Variants in VAC14 observed in about 807,000 individuals in gnomAD.
VAC14 encodes VAC14 component of PIKFYVE complex.
VAC14 carries 47 observed loss-of-function variants against 85.3 expected under a neutral mutation model. The ratio of observed to expected loss-of-function variants is 0.55; its 90% CI spans 0.44 to 0.70. The LOEUF is 0.70. Ranked by LOEUF, VAC14 falls within the 30% of genes least tolerant of loss-of-function variation. The probability of loss-of-function intolerance (pLI) is 0.00; values close to 1 mark genes in which losing one functional copy is unlikely to be tolerated. For missense variants in VAC14, 861 were observed against 1,004.3 expected (o/e 0.86, Z 1.93); for synonymous variants, 447 against 430.5 (o/e 1.04, Z -0.47).
chr16:70,792,985 C>A (rs1463555373), intron 1 of VAC14, among the ~76,000 whole-genome samples: 2 of 152,196 alleles, frequency 1.3e-5, no homozygotes, highest in Non-Finnish European at 2.9e-5. Context: ...AGGTCTGAAC[C>A]CTTGACATCT....
chr16:70,713,508 G>A (rs953022344), intron 14 of VAC14, among the ~76,000 whole-genome samples: 2 of 152,186 alleles, frequency 1.3e-5, no homozygotes, highest in Admixed American at 1.3e-4. Context: ...GTAGGGAAGA[G>A]CCCAGTCAAG....
At chr16:70,748,245 C>G (rs1331596940) in intron 12 of VAC14, among the ~76,000 whole-genome samples, 1 of 152,232 alleles carries the variant, frequency 6.6e-6, no homozygotes, top group Non-Finnish European at 1.5e-5. Flanking sequence ...CCTCTCCAGA[C>G]AGCTGCTGAG....
intron 14 of VAC14, among the ~76,000 whole-genome samples, chr16:70,720,160 A>G (rs1319363679): frequency 1.3e-5 from 2 of 152,338 alleles, no homozygotes; most frequent in East Asian, 3.9e-4. Flanking sequence ...TGTTGGAGTC[A>G]GTACTTGAGG....
At chr16:70,733,844 G>C (rs2054667583) in intron 13 of VAC14, among the ~76,000 whole-genome samples, 1 of 152,010 alleles carries the variant, frequency 6.6e-6, no homozygotes, top group East Asian at 1.9e-4. Flanking sequence ...TTTTGTTTTT[G>C]AGACAGAGTC....
intron 18 of VAC14, chr16:70,689,569 C>G: frequency 1.0e-6 from 1 of 985,728 alleles, no homozygotes; most frequent in Non-Finnish European, 1.2e-6. Context: ...TGCACCCCTG[C>G]TCAGCTCTGC....
chr16:70,767,535 G>C (rs577532081), intron 10 of VAC14, among the ~76,000 whole-genome samples: 3 of 152,328 alleles, frequency 2.0e-5, no homozygotes, highest in African/African-American at 7.2e-5. Context: ...ATGACCCTTG[G>C]CAACAGCCTG....
At chr16:70,750,363 A>G (rs1461935682) in intron 12 of VAC14, among the ~76,000 whole-genome samples, 1 of 152,144 alleles carries the variant, frequency 6.6e-6, no homozygotes, top group Admixed American at 6.5e-5. Context: ...TGAGAGAAAG[A>G]AGGGAGGAAA....
In VAC14 at chr16:70,762,401, C is replaced by T. The variant is rs563802353; in HGVS notation, c.1371+139G>A. 6.2e-5 allele frequency: 56 copies of T among 901,222 alleles called. No homozygotes were observed. The highest frequency in any genetic ancestry group is 3.1e-4 in the African/African-American group (19 of 60,756). 55.8% of individuals were successfully genotyped at this position (901,222 alleles called of 1,614,324 possible). A position where few individuals can be genotyped will look rare whatever the true frequency, so the allele number is the denominator to read the frequency against. On this transcript the variant is annotated intron_variant, in intron 12 of 18. Coordinates refer to ENST00000261776, the MANE Select transcript of VAC14 (RefSeq NM_018052.5). The surrounding 1 kb of genome is among the most constrained non-coding windows in gnomAD (Gnocchi z 4.1). ...GGAAAAACAGGTGTGAGCCACTGCA[C>T]CTGGCCCCAAAGTGAGTATTAAACA...
rs371625441 is a variant in VAC14 at position 70,780,836 on chromosome 16, C to T, written c.1050G>A (p.Glu350=). 1 of 1,612,998 alleles carries T rather than the reference C, an allele frequency of 6.2e-7. No homozygotes were observed. The highest frequency in any genetic ancestry group is 1.1e-5 in the South Asian group (1 of 90,998). ...DELRPGQRQA[E]PTPDDALPKQ... ...TTGGCAGGGCATCGTCAGGGGTGGG[C>T]TCTGCCTGCCTCTGCCCAGGTCTCA... The change falls in exon 9 of 19, where the codon GAG becomes GAA. Residue 350 remains glutamate, a synonymous_variant. Coordinates refer to ENST00000261776, the MANE Select transcript of VAC14 (RefSeq NM_018052.5).
intron 14 of VAC14, among the ~76,000 whole-genome samples, chr16:70,707,310 T>A (rs79511906): frequency 2.6e-5 from 4 of 152,366 alleles, no homozygotes; most frequent in African/African-American, 9.6e-5. Context: ...ATGCAGTCGA[T>A]GTGTCTGGTA....
chr16:70,773,091 T>C (rs2033328936), intron 9 of VAC14: 4 of 152,160 alleles, frequency 2.6e-5, no homozygotes, highest in Non-Finnish European at 5.9e-5. Flanking sequence ...TAGGGTATAA[T>C]GGCTAATGGA....
chr16:70,728,276 G>C (rs1402175203), intron 14 of VAC14, among the ~76,000 whole-genome samples: 1 of 152,076 alleles, frequency 6.6e-6, no homozygotes, highest in Non-Finnish European at 1.5e-5. Flanking sequence ...GCACGCTGAG[G>C]AGCTGGGCCT....
intron 1 of VAC14, among the ~76,000 whole-genome samples, chr16:70,793,489 A>T (rs1243029004): frequency 6.6e-6 from 1 of 152,190 alleles, no homozygotes; most frequent in Non-Finnish European, 1.5e-5. Context: ...GGCTTTTCTA[A>T]CCCCAAGATC....
chr16:70,692,800 C>T, intron 18 of VAC14, 21 bp downstream of exon 18: 2 of 1,588,946 alleles, frequency 1.3e-6, no homozygotes, highest in Non-Finnish European at 1.7e-6. Flanking sequence ...GCGGGGGCAG[C>T]AGTCCCCAGC....
chr16:70,697,621 G>A (rs2053740280), intron 15 of VAC14, among the ~76,000 whole-genome samples: 1 of 152,190 alleles, frequency 6.6e-6, no homozygotes, highest in Non-Finnish European at 1.5e-5. Flanking sequence ...GATGATGATG[G>A]GGGAGTGGGC....
chr16:70,796,927 C>T (rs1173831327), intron 1 of VAC14, among the ~76,000 whole-genome samples: 1 of 152,080 alleles, frequency 6.6e-6, no homozygotes, highest in Non-Finnish European at 1.5e-5. Context: ...GGATCAGTGT[C>T]CTCATAAAAG....
chr16:70,745,241 C>T (rs2305688), intron 12 of VAC14, among the ~76,000 whole-genome samples: 94,603 of 152,164 alleles, frequency 0.62, 32,313 homozygotes, highest in Admixed American at 0.75. Flanking sequence ...TGAGTTCTTC[C>T]GAGACAGAGG....
At chr16:70,798,432 A>G (rs181625920) in intron 1 of VAC14, among the ~76,000 whole-genome samples, 10 of 152,244 alleles carry the variant, frequency 6.6e-5, no homozygotes, top group African/African-American at 2.4e-4. Flanking sequence ...GAATATATTA[A>G]AACATACAAT....
intron 1 of VAC14, among the ~76,000 whole-genome samples, chr16:70,795,844 C>T (rs1336181407): frequency 4.6e-5 from 7 of 152,200 alleles, no homozygotes; most frequent in African/African-American, 1.7e-4. Flanking sequence ...AAGCTCAGGA[C>T]CACTAGAGAC....
Sources: allele counts gnomAD v4.1 joint callset (sites outside exome capture counted in the v4.1 genomes callset), GRCh38; gene constraint gnomAD v4.1.1; non-coding constraint Gnocchi (gnomAD v3.1); transcripts MANE v1.5; gene names NCBI Gene and HGNC (gene_info 2026-07-23, HGNC 2026-07-21).